KALRN: variants seen among roughly 807,000 people sequenced by gnomAD.
KALRN encodes the protein kalirin RhoGEF kinase.
In KALRN, 70 loss-of-function variants were observed where a neutral mutation model predicts 353.7. The observed-to-expected ratio is 0.20, with a 90% CI of 0.16 to 0.24. The LOEUF (loss-of-function observed/expected upper bound fraction) is 0.24. Ranked by LOEUF, KALRN falls within the 10% of genes least tolerant of loss-of-function variation. The pLI is 1.00. For synonymous variants in KALRN, 1,391 were observed against 1,434.8 expected, an observed-to-expected ratio of 0.97 and a Z score of 0.69; for missense variants, 2,791 against 3,756.7, an observed-to-expected ratio of 0.74 and a Z score of 6.72.
chr3:124,297,552 T>TA (rs2076942028), intron 5 of KALRN, among the ~76,000 whole-genome samples: 1 of 152,226 alleles, frequency 6.6e-6, no homozygotes, highest in Admixed American at 6.5e-5. Flanking sequence ...AGCAGCCTCC[T>TA]AACCATTTTT....
chr3:124,576,367 AGGAGGGAC>A (rs2074094269), intron 34 of KALRN, among the ~76,000 whole-genome samples: 1 of 152,094 alleles, frequency 6.6e-6, no homozygotes, highest in South Asian at 2.1e-4. Flanking sequence ...ATTTATAGAA[AGGAGGGAC>A]GGATCATGCA....
At chr3:124,445,682 T>C (rs78048120) in intron 19 of KALRN, among the ~76,000 whole-genome samples, 6,802 of 152,204 alleles carry the variant, frequency 0.045, 256 homozygotes, top group African/African-American at 0.095. Flanking sequence ...CCAAGAACAT[T>C]GCTCATGATG....
At chr3:124,451,426 T>C (rs182837299) in intron 21 of KALRN, among the ~76,000 whole-genome samples, 386 of 152,258 alleles carry the variant, frequency 2.5e-3, no homozygotes, top group Admixed American at 5.3e-3. Flanking sequence ...ATAAGTGAGC[T>C]CTCAGGTCTA....
At chr3:124,658,383 A>G (rs759346134) in intron 41 of KALRN, 48 bp from the exon 42 acceptor site, 1 of 1,442,482 alleles carries the variant, frequency 6.9e-7, no homozygotes, top group Non-Finnish European at 9.8e-7. Context: ...GATTGAACAA[A>G]AGACACAAGA....
chr3:124,430,500 A>C (rs981496932), intron 15 of KALRN, among the ~76,000 whole-genome samples, 156 bp from the exon 16 acceptor site: 9 of 152,176 alleles, frequency 5.9e-5, no homozygotes, highest in African/African-American at 2.2e-4. Flanking sequence ...ATGATTGGGG[A>C]GATGACCATT....
intron 34 of KALRN, among the ~76,000 whole-genome samples, chr3:124,628,394 T>TC: frequency 1.8e-5 from 1 of 56,148 alleles, no homozygotes; most frequent in African/African-American, 8.3e-5. Flanking sequence ...CTTCCTTCCT[T>TC]CCTTCCCTCC....
intron 57 of KALRN, among the ~76,000 whole-genome samples, chr3:124,710,410 G>A (rs1361709534): frequency 2.0e-5 from 3 of 152,120 alleles, no homozygotes; most frequent in Non-Finnish European, 4.4e-5. Flanking sequence ...AAATCAAGAA[G>A]TAGCCACTCA....
intron 18 of KALRN, among the ~76,000 whole-genome samples, chr3:124,440,640 T>C (rs2093637242): frequency 6.6e-6 from 1 of 151,086 alleles, no homozygotes; most frequent in East Asian, 1.9e-4. Flanking sequence ...TTAATTATAT[T>C]ATTTGTAGGA....
chr3:124,621,760 G>A (rs953040792), intron 34 of KALRN, among the ~76,000 whole-genome samples: 2 of 152,250 alleles, frequency 1.3e-5, no homozygotes, highest in Non-Finnish European at 2.9e-5. Context: ...GAACCTGGCC[G>A]TACATAGCCT....
At chr3:124,045,460 A>G (rs1485085796) in intron 1 of KALRN, among the ~76,000 whole-genome samples, 2 of 152,218 alleles carry the variant, frequency 1.3e-5, no homozygotes, top group African/African-American at 4.8e-5. Flanking sequence ...GATACTTGGA[A>G]GTAAAGAGAC....
intron 8 of KALRN, among the ~76,000 whole-genome samples, chr3:124,330,262 A>T (rs879683281): frequency 0.049 from 7,454 of 150,944 alleles, 617 homozygotes; most frequent in African/African-American, 0.17. Context: ...ACACACACAC[A>T]CACACACACA....
intron 34 of KALRN, among the ~76,000 whole-genome samples, chr3:124,592,838 C>T (rs2075935004): frequency 6.6e-6 from 1 of 152,254 alleles, no homozygotes; most frequent in Non-Finnish European, 1.5e-5. Context: ...ACCTGTGAGG[C>T]AGCCAGGAGG....
In KALRN at chr3:124,663,190, G is replaced by A. The variant is rs1411952161; in HGVS notation, c.6345+1262G>A. Among the ~76,000 whole-genome samples the A allele has an allele frequency of 5.9e-5, 9 of 152,196 alleles. No homozygotes were observed. The South Asian group carries it at 6.2e-4, about 11-fold the overall frequency. ...TCGAACTCCCGACCTCAGGTGATCC[G>A]CCCGCCTCGGCCTCCCAAAGTGCTG... On this transcript the variant is annotated intron_variant, in intron 45 of 59. Coordinates refer to ENST00000682506, the MANE Select transcript of KALRN (RefSeq NM_001388419.1).
intron 10 of KALRN, among the ~76,000 whole-genome samples, chr3:124,361,503 A>G (rs1239134084): frequency 1.3e-5 from 2 of 152,198 alleles, no homozygotes; most frequent in Non-Finnish European, 2.9e-5. Context: ...TTTCTTTGCT[A>G]GTGGCATTTT....
intron 10 of KALRN, among the ~76,000 whole-genome samples, chr3:124,350,416 A>G (rs1317116309): frequency 1.3e-5 from 2 of 152,232 alleles, no homozygotes; most frequent in Non-Finnish European, 2.9e-5. Flanking sequence ...ATAGAAGACA[A>G]CACTGAGGCT....
At chr3:124,427,257 G>A (rs1406338238) in intron 15 of KALRN, among the ~76,000 whole-genome samples, 1 of 152,208 alleles carries the variant, frequency 6.6e-6, no homozygotes, top group Non-Finnish European at 1.5e-5. Context: ...ATAAAACCAT[G>A]AAGGATGAAC....
intron 23 of KALRN, among the ~76,000 whole-genome samples, chr3:124,459,051 T>C (rs1459633303): frequency 2.0e-5 from 3 of 152,206 alleles, no homozygotes; most frequent in Non-Finnish European, 4.4e-5. Flanking sequence ...GACTGTAACA[T>C]CAATTTCTTT....
chr3:124,539,103 A>G (rs933949073), intron 33 of KALRN, among the ~76,000 whole-genome samples: 1 of 152,190 alleles, frequency 6.6e-6, no homozygotes, highest in Non-Finnish European at 1.5e-5. Flanking sequence ...CAAAGATGCA[A>G]CTATGGGGAT....
chr3:124,237,071 A>G (rs2332766), intron 3 of KALRN, among the ~76,000 whole-genome samples: 14,071 of 152,252 alleles, frequency 0.092, 1,806 homozygotes, highest in East Asian at 0.64. Flanking sequence ...CATGTCACAC[A>G]TAATGGCTGT....
Sources: allele counts gnomAD v4.1 joint callset (sites outside exome capture counted in the v4.1 genomes callset), GRCh38; gene constraint gnomAD v4.1.1; transcripts MANE v1.5; gene names NCBI Gene and HGNC (gene_info 2026-07-23, HGNC 2026-07-21).